The following PDE4D variants were observed in gnomAD, a reference collection of about 807,000 sequenced individuals.
The protein encoded by PDE4D is phosphodiesterase 4D.
Under a neutral mutation model 87.4 loss-of-function variants are expected in PDE4D, and 24 were observed. The observed-to-expected ratio is 0.27, with a 90% CI of 0.20 to 0.39. The LOEUF (loss-of-function observed/expected upper bound fraction) is 0.39, where lower values mean the gene tolerates loss of function less well. PDE4D is among the 10% of genes least tolerant of loss of function. PDE4D has a pLI of 1.00. For synonymous variants in PDE4D, 384 were observed against 383.2 expected (o/e 1.00, Z -0.02); for missense variants, 714 against 1,041.0 (o/e 0.69, Z 4.32).
intron 1 of PDE4D, among the ~76,000 whole-genome samples, chr5:59,364,143 C>T (rs1257413795): frequency 6.6e-6 from 1 of 152,154 alleles, no homozygotes; most frequent in East Asian, 1.9e-4. Context: ...GTGCCATTTA[C>T]TAGCTATCTC....
chr5:59,411,398 A>G (rs560604839), intron 1 of PDE4D, among the ~76,000 whole-genome samples: 1 of 152,324 alleles, frequency 6.6e-6, no homozygotes, highest in South Asian at 2.1e-4. Flanking sequence ...GTAGCAAATA[A>G]AAAAGACTGT....
chr5:59,195,623 A>C (rs1012661906), intron 2 of PDE4D, among the ~76,000 whole-genome samples: 1 of 152,212 alleles, frequency 6.6e-6, no homozygotes, highest in Non-Finnish European at 1.5e-5. Context: ...GCTCTGCCAC[A>C]TACTAGGTGT....
In PDE4D at chr5:60,167,074, TG is replaced by T. The variant is rs573559268; in HGVS notation, c.42+18482del. ...TTGGAAATCTTTGACCTTCCTGACCTGAATACTTATTTCTTTCTCCAGATTT... is the reference window on the plus strand; with the variant it reads ...TTGGAAATCTTTGACCTTCCTGACCTAATACTTATTTCTTTCTCCAGATTT... On this transcript the variant is annotated intron_variant, in intron 2 of 16. Transcript: ENST00000502484. Among the ~76,000 whole-genome samples, 17 of 152,292 alleles carry T rather than the reference TG, an allele frequency of 1.1e-4. No homozygotes were observed. The South Asian group carries it at 3.3e-3, about 30-fold the overall frequency.
chr5:59,293,004 G>GT (rs1259657604), intron 1 of PDE4D, among the ~76,000 whole-genome samples: 6 of 152,094 alleles, frequency 3.9e-5, no homozygotes, highest in Non-Finnish European at 8.8e-5. Context: ...TGTTACAAGG[G>GT]TTTTATTCAT....
intron 1 of PDE4D, among the ~76,000 whole-genome samples, chr5:60,514,578 T>C (rs1467480512): frequency 4.6e-5 from 7 of 152,008 alleles, no homozygotes; most frequent in African/African-American, 1.7e-4. Flanking sequence ...ATTAACAGAA[T>C]GAGGGAGAAA....
chr5:59,207,545 C>T (rs1030576313), intron 2 of PDE4D, among the ~76,000 whole-genome samples: 10 of 152,038 alleles, frequency 6.6e-5, no homozygotes, highest in Non-Finnish European at 1.3e-4. Flanking sequence ...ACATAATGTG[C>T]TCTTAGAGAT....
chr5:59,721,403 C>T (rs1012534143), intron 1 of PDE4D, among the ~76,000 whole-genome samples: 1 of 152,112 alleles, frequency 6.6e-6, no homozygotes, highest in South Asian at 2.1e-4. Flanking sequence ...AGTTTTTAGG[C>T]ATGTTAATCT....
At chr5:60,367,241 G>C (rs1760632708) in intron 1 of PDE4D, among the ~76,000 whole-genome samples, 2 of 152,058 alleles carry the variant, frequency 1.3e-5, no homozygotes, top group Non-Finnish European at 2.9e-5. Flanking sequence ...CTGGAGTCAG[G>C]AGTTCGAGAC....
At chr5:59,381,945 T>C (rs988631990) in intron 1 of PDE4D, among the ~76,000 whole-genome samples, 2 of 152,162 alleles carry the variant, frequency 1.3e-5, no homozygotes, top group African/African-American at 4.8e-5. Context: ...GAAAAGTGAA[T>C]GAAAACAGTT....
At chr5:59,155,561 A>G (rs1780053706) in intron 5 of PDE4D, among the ~76,000 whole-genome samples, 3 of 152,222 alleles carry the variant, frequency 2.0e-5, no homozygotes, top group Admixed American at 1.3e-4. Context: ...GAAGATCAAG[A>G]ACTAGCTAAA....
At chr5:59,155,871 G>A (rs1004250823) in intron 5 of PDE4D, among the ~76,000 whole-genome samples, 1 of 152,110 alleles carries the variant, frequency 6.6e-6, no homozygotes, top group African/African-American at 2.4e-5. Context: ...TATGGCAAGA[G>A]GATGTAGGAG....
chr5:59,845,783 T>C (rs994277503), intron 1 of PDE4D, among the ~76,000 whole-genome samples: 1 of 152,088 alleles, frequency 6.6e-6, no homozygotes, highest in Non-Finnish European at 1.5e-5. Context: ...AGTTTTTATG[T>C]AAAAATCACT....
At chr5:59,794,772 T>C (rs1766265824) in intron 1 of PDE4D, among the ~76,000 whole-genome samples, 3 of 152,164 alleles carry the variant, frequency 2.0e-5, no homozygotes, top group Admixed American at 1.3e-4. Context: ...TGATGAATTG[T>C]GCAAAAAAAA....
At chr5:60,456,185 A>G (rs1383133285) in intron 1 of PDE4D, among the ~76,000 whole-genome samples, 1 of 152,172 alleles carries the variant, frequency 6.6e-6, no homozygotes, top group Non-Finnish European at 1.5e-5. Context: ...GGGATCACTT[A>G]GGTAGGAATT....
At chr5:59,642,796 C>A (rs555970808) in intron 1 of PDE4D, among the ~76,000 whole-genome samples, 48 of 138,168 alleles carry the variant, frequency 3.5e-4, no homozygotes, top group Non-Finnish European at 6.8e-4. Context: ...TCTATAACCA[C>A]GAGAAGTCTT....
chr5:59,058,166 CCT>C (rs1225584853), intron 5 of PDE4D, among the ~76,000 whole-genome samples: 1 of 152,106 alleles, frequency 6.6e-6, no homozygotes, highest in African/African-American at 2.4e-5. Flanking sequence ...AAACACTTCC[CCT>C]GTTAAGGCTT....
intron 2 of PDE4D, among the ~76,000 whole-genome samples, chr5:60,115,101 G>T (rs1232917557): frequency 6.6e-6 from 1 of 152,078 alleles, no homozygotes; most frequent in Non-Finnish European, 1.5e-5. Flanking sequence ...AATCTACACA[G>T]TCCAGAGATA....
intron 5 of PDE4D, among the ~76,000 whole-genome samples, chr5:59,147,589 T>C (rs1390794149): frequency 1.3e-5 from 2 of 152,222 alleles, no homozygotes. Context: ...TTTACTTTGA[T>C]CCTTGAAGAT....
chr5:59,691,769 T>G (rs1433158776), intron 1 of PDE4D, among the ~76,000 whole-genome samples: 2 of 151,872 alleles, frequency 1.3e-5, no homozygotes, highest in African/African-American at 2.4e-5. Flanking sequence ...TAAGATGATC[T>G]AGCCATGATG....
Sources: allele counts gnomAD v4.1 joint callset (sites outside exome capture counted in the v4.1 genomes callset), GRCh38; gene constraint gnomAD v4.1.1; transcripts MANE v1.5; gene names NCBI Gene and HGNC (gene_info 2026-07-23, HGNC 2026-07-21).